The following MICU3 variants were observed in gnomAD, a reference collection of about 807,000 sequenced individuals.
MICU3 encodes the protein calcium uptake protein 3, mitochondrial.
Under a neutral mutation model 66.5 loss-of-function variants are expected in MICU3, and 62 were observed. The observed-to-expected ratio is 0.93, with a 90% CI of 0.76 to 1.15. The LOEUF (loss-of-function observed/expected upper bound fraction) is 1.15. MICU3 is among the 50% of genes most tolerant of loss of function. The pLI is 0.00. For synonymous variants in MICU3, 308 were observed against 240.7 expected, an observed-to-expected ratio of 1.28 and a Z score of -2.59; for missense variants, 779 against 664.4, an observed-to-expected ratio of 1.17 and a Z score of -1.90.
chr8:17,038,857 G>A (rs1197679091), intron 1 of MICU3, among the ~76,000 whole-genome samples: 1 of 151,956 alleles, frequency 6.6e-6, no homozygotes, highest in Non-Finnish European at 1.5e-5. Context: ...GGAGGCTGAG[G>A]CAGGAGAATG....
At chr8:17,030,431 G>A (rs1811818773) in intron 1 of MICU3, among the ~76,000 whole-genome samples, 1 of 152,220 alleles carries the variant, frequency 6.6e-6, no homozygotes, top group Admixed American at 6.5e-5. Context: ...CTCTGATGCT[G>A]TTGAGCGTCT....
chr8:17,080,906 A>C lies in MICU3; in HGVS notation c.647-787A>C, dbSNP rs1258620200. On this transcript the variant is annotated intron_variant, in intron 4 of 14. Transcript: ENST00000318063. ...AAGCGTCAGAACTATCTGATATCTA[A>C]ATAAGTATTGTAGATACAGATTACT... 2.0e-5 allele frequency among the ~76,000 whole-genome samples: 3 copies of C among 152,154 alleles called. No individual in the cohort carries two copies. In the East Asian group the frequency reaches 5.8e-4, roughly 29 times the overall value.
intron 14 of MICU3, 115 bp from the exon 15 acceptor site, chr8:17,120,173 G>A (rs1193002320): frequency 6.6e-6 from 1 of 151,342 alleles, no homozygotes; most frequent in Non-Finnish European, 1.5e-5. Context: ...TTTTATGTGG[G>A]GTGTTTTTAT....
chr8:17,084,188 T>C (rs1234667293), intron 5 of MICU3, among the ~76,000 whole-genome samples: 2 of 152,122 alleles, frequency 1.3e-5, no homozygotes, highest in Non-Finnish European at 2.9e-5. Context: ...TACTTTGTAC[T>C]GTATTTTTCC....
intron 3 of MICU3, 104 bp from the exon 4 acceptor site, chr8:17,077,679 G>A: frequency 1.4e-6 from 1 of 714,056 alleles, no homozygotes; most frequent in Non-Finnish European, 2.4e-6. Flanking sequence ...CCATGTTTCA[G>A]GTCTTTTAAG....
intron 11 of MICU3, among the ~76,000 whole-genome samples, chr8:17,113,042 C>A (rs1165108722): frequency 2.0e-5 from 3 of 152,196 alleles, no homozygotes; most frequent in African/African-American, 7.2e-5. Flanking sequence ...GGAGAAAAGA[C>A]AGTAAGGATT....
chr8:17,034,675 C>T (rs1023483257), intron 1 of MICU3, among the ~76,000 whole-genome samples: 2 of 152,150 alleles, frequency 1.3e-5, no homozygotes, highest in African/African-American at 4.8e-5. Context: ...GAAGTAGCTG[C>T]AGAGGTGGTG....
chr8:17,085,180 G>A (rs1466595392), intron 5 of MICU3, 56 bp from the exon 6 acceptor site: 3 of 1,175,132 alleles, frequency 2.6e-6, no homozygotes, highest in African/African-American at 1.5e-5. Flanking sequence ...TATGGATTTT[G>A]TACTTTAAAA....
intron 5 of MICU3, among the ~76,000 whole-genome samples, chr8:17,082,731 C>T (rs1336537724): frequency 6.6e-6 from 1 of 152,090 alleles, no homozygotes; most frequent in Non-Finnish European, 1.5e-5. Context: ...ATCAGTAAAA[C>T]TCTGTCATTA....
chr8:17,044,554 T>C lies in MICU3; in HGVS notation c.381+16894T>C, dbSNP rs529680722. On this transcript the variant is annotated intron_variant, in intron 1 of 14. Coordinates refer to ENST00000318063, the MANE Select transcript of MICU3 (RefSeq NM_181723.3). ...TAACCTAGAAAAATTGGTGAAAACATTGTGGTATATTGATTGACTGATTCA... is the reference window on the plus strand; with the variant it reads ...TAACCTAGAAAAATTGGTGAAAACACTGTGGTATATTGATTGACTGATTCA... Among the ~76,000 whole-genome samples the C allele has an allele frequency of 4.3e-4, 65 of 152,154 alleles. 1 individual carries two copies. In the South Asian group the frequency reaches 0.012, roughly 29 times the overall value.
chr8:17,124,895 A>G (rs963480674), downstream of MICU3, among the ~76,000 whole-genome samples: 1 of 152,094 alleles, frequency 6.6e-6, no homozygotes, highest in Non-Finnish European at 1.5e-5. Flanking sequence ...TCTAGGACTT[A>G]GTAGAATCTT....
At chr8:17,100,019 T>A (rs560188232) in intron 9 of MICU3, among the ~76,000 whole-genome samples, 3 of 151,846 alleles carry the variant, frequency 2.0e-5, no homozygotes, top group Non-Finnish European at 2.9e-5. Context: ...TTCTGTAAGA[T>A]CTTTGGAAAA....
intron 12 of MICU3, among the ~76,000 whole-genome samples, chr8:17,115,453 C>G (rs540392822): frequency 6.6e-6 from 1 of 152,128 alleles, no homozygotes; most frequent in African/African-American, 2.4e-5. Context: ...TATCTGGTTA[C>G]TGGGTTCAGA....
At chr8:17,132,513 CAT>C in the MICU3 span, 1 of 152,212 alleles carries the variant, frequency 6.6e-6, no homozygotes, top group Non-Finnish European at 1.5e-5. Context: ...GGGTTACAGA[CAT>C]AGTCTTCCTT....
At chr8:17,042,724 C>G (rs6587010) in intron 1 of MICU3, among the ~76,000 whole-genome samples, 1 of 151,480 alleles carries the variant, frequency 6.6e-6, no homozygotes, top group Non-Finnish European at 1.5e-5. Flanking sequence ...TAATTGTCTT[C>G]TAACCCTTCT....
chr8:17,035,698 A>T (rs1812855667), intron 1 of MICU3, among the ~76,000 whole-genome samples: 1 of 152,232 alleles, frequency 6.6e-6, no homozygotes, highest in Non-Finnish European at 1.5e-5. Context: ...ATTCAGTTTT[A>T]TGTATTCACA....
At chr8:17,063,843 T>C (rs1263948003) in intron 1 of MICU3, among the ~76,000 whole-genome samples, 1 of 152,154 alleles carries the variant, frequency 6.6e-6, no homozygotes, top group East Asian at 1.9e-4. Flanking sequence ...AAATCACTTC[T>C]CCAAAGTGCC....
intron 2 of MICU3, among the ~76,000 whole-genome samples, chr8:17,067,024 A>T (rs1166320866): frequency 1.3e-5 from 2 of 152,220 alleles, no homozygotes; most frequent in Non-Finnish European, 2.9e-5. Flanking sequence ...TCTATTATAG[A>T]AAAGTTATAC....
the MICU3 span, among the ~76,000 whole-genome samples, chr8:17,135,689 C>G: frequency 5.3e-5 from 8 of 152,132 alleles, no homozygotes; most frequent in African/African-American, 1.9e-4. Context: ...AGAAATCTTT[C>G]GAATTCCCAT....
Sources: allele counts gnomAD v4.1 joint callset (sites outside exome capture counted in the v4.1 genomes callset), GRCh38; gene constraint gnomAD v4.1.1; transcripts MANE v1.5; gene names NCBI Gene and HGNC (gene_info 2026-07-23, HGNC 2026-07-21).